The following PIAS2 variants were observed in gnomAD, a reference collection of about 807,000 sequenced individuals.
PIAS2 encodes the protein E3 SUMO-protein ligase PIAS2.
PIAS2 carries 19 observed loss-of-function variants against 69.7 expected under a neutral mutation model. That is an observed-to-expected ratio of 0.27 (90% CI 0.19 to 0.40). The LOEUF (loss-of-function observed/expected upper bound fraction) is 0.40. Among genes scored for constraint, PIAS2 ranks in the 10% least tolerant of loss-of-function variants. The probability of loss-of-function intolerance (pLI) is 1.00; values close to 1 mark genes in which losing one functional copy is unlikely to be tolerated. For synonymous variants in PIAS2, 261 were observed against 263.2 expected (o/e 0.99, Z 0.08); for missense variants, 624 against 757.0 (o/e 0.82, Z 2.06).
intron 1 of PIAS2, among the ~76,000 whole-genome samples, chr18:46,906,776 G>GA (rs1285780039): frequency 7.0e-6 from 1 of 142,432 alleles, no homozygotes; most frequent in Non-Finnish European, 1.5e-5. Flanking sequence ...GTGTGTGTGG[G>GA]GGGGGGGGGA....
At chr18:46,865,776 G>A (rs985391965) in intron 2 of PIAS2, among the ~76,000 whole-genome samples, 6 of 152,138 alleles carry the variant, frequency 3.9e-5, no homozygotes, top group African/African-American at 1.4e-4. Flanking sequence ...AAAAAGGAGG[G>A]AAGAGGGAGA....
chr18:46,816,596 G>A (rs2041571419), intron 12 of PIAS2: 2 of 289,366 alleles, frequency 6.9e-6, no homozygotes, highest in African/African-American at 4.6e-5. Context: ...AGAAGCAGGA[G>A]CTACAGGTGT....
At chr18:46,850,155 G>A (rs898992449) in intron 5 of PIAS2, among the ~76,000 whole-genome samples, 4 of 152,100 alleles carry the variant, frequency 2.6e-5, no homozygotes, top group African/African-American at 9.7e-5. Context: ...TACCAGTTCA[G>A]TAATGTACTT....
chr18:46,878,509 C>T (rs1015836382), intron 2 of PIAS2, among the ~76,000 whole-genome samples: 4 of 152,064 alleles, frequency 2.6e-5, no homozygotes, highest in Admixed American at 2.6e-4. Context: ...CCAAGTCATC[C>T]CCCACCATCA....
intron 2 of PIAS2, among the ~76,000 whole-genome samples, chr18:46,874,351 A>C (rs555084608): frequency 6.6e-6 from 1 of 152,322 alleles, no homozygotes; most frequent in African/African-American, 2.4e-5. Context: ...AATGTAGTTA[A>C]GGCATTAATC....
chr18:46,849,069 C>T (rs2046586488), intron 5 of PIAS2, among the ~76,000 whole-genome samples: 1 of 152,030 alleles, frequency 6.6e-6, no homozygotes. Flanking sequence ...CAGGGTCTGT[C>T]AGAAGGATAG....
At chr18:46,917,968 C>A (rs1030970882), upstream of PIAS2, 6 of 152,074 alleles carry the variant, frequency 3.9e-5, no homozygotes, top group Non-Finnish European at 8.8e-5. Context: ...TGTGTGACAC[C>A]TCTTTGAATT....
chr18:46,827,016 A>G (rs1179805991), intron 11 of PIAS2: 4 of 152,206 alleles, frequency 2.6e-5, no homozygotes, highest in African/African-American at 9.7e-5. Context: ...TGTTGAAAAT[A>G]TTCTACTACT....
At chr18:46,854,486 G>A (rs1363155352) in intron 5 of PIAS2, among the ~76,000 whole-genome samples, 1 of 152,076 alleles carries the variant, frequency 6.6e-6, no homozygotes, top group Non-Finnish European at 1.5e-5. Flanking sequence ...TTTTGATTAT[G>A]GCTTTGCTGG....
At chr18:46,896,165 C>CAAAAAAAAAAAAAAAAAA (rs1199712335) in intron 1 of PIAS2, among the ~76,000 whole-genome samples, 1 of 31,926 alleles carries the variant, frequency 3.1e-5, no homozygotes, top group Non-Finnish European at 6.2e-5. Context: ...AAGAAAAAAG[C>CAAAAAAAAAAAAAAAAAA]AAAAAAAAAA....
At chr18:46,836,763 T>C (rs1421154339) in intron 8 of PIAS2, among the ~76,000 whole-genome samples, 3 of 152,206 alleles carry the variant, frequency 2.0e-5, no homozygotes, top group East Asian at 1.9e-4. Flanking sequence ...TTCATATACA[T>C]TGAAAGTATG....
At chr18:46,832,274 G>C (rs1029191323) in intron 9 of PIAS2, among the ~76,000 whole-genome samples, 16 of 151,998 alleles carry the variant, frequency 1.1e-4, no homozygotes, top group African/African-American at 3.1e-4. Context: ...AATTAGCCAG[G>C]CGTGGTGGCG....
At chr18:46,831,565 G>A (rs888005924) in intron 9 of PIAS2, among the ~76,000 whole-genome samples, 5 of 152,166 alleles carry the variant, frequency 3.3e-5, no homozygotes, top group Admixed American at 6.5e-5. Flanking sequence ...GAAGAACAAA[G>A]TTGGAAGAGT....
At position 46,855,234 on chromosome 18, in the gene PIAS2, G is replaced by T. The variant is rs892430345; in HGVS notation, c.726+111C>A. Reference sequence around the variant, plus strand: ...CTAGTGGAAAATAGTATTTAATCTGGATGCTAAAACTGTTCACTGGTATTC... The same window carrying T: ...CTAGTGGAAAATAGTATTTAATCTGTATGCTAAAACTGTTCACTGGTATTC... On this transcript the variant is annotated intron_variant, in intron 5 of 13. Coordinates refer to ENST00000585916, the MANE Select transcript of PIAS2 (RefSeq NM_004671.5). 4 of 633,478 alleles carry T rather than the reference G, an allele frequency of 6.3e-6. No individual in the cohort carries two copies. The African/African-American group carries it at 7.3e-5, about 12-fold the overall frequency. 39.2% of individuals were successfully genotyped at this position (633,478 alleles called of 1,614,324 possible).
chr18:46,884,765 A>T (rs1766088633), intron 2 of PIAS2, among the ~76,000 whole-genome samples: 1 of 152,094 alleles, frequency 6.6e-6, no homozygotes, highest in South Asian at 2.1e-4. Flanking sequence ...AAAATATAAT[A>T]AATTAGCCGG....
At chr18:46,895,889 T>G (rs1008668855) in intron 1 of PIAS2, among the ~76,000 whole-genome samples, 5 of 152,126 alleles carry the variant, frequency 3.3e-5, no homozygotes, top group African/African-American at 1.2e-4. Context: ...ATCCCTATAA[T>G]TAAATCCACT....
intron 2 of PIAS2, among the ~76,000 whole-genome samples, chr18:46,868,602 T>C (rs1478517528): frequency 1.3e-5 from 2 of 152,188 alleles, no homozygotes; most frequent in South Asian, 2.1e-4. Flanking sequence ...GAACCAGAGA[T>C]TAACCGTGTT....
intron 2 of PIAS2, among the ~76,000 whole-genome samples, chr18:46,875,115 C>A (rs79692714): frequency 6.6e-6 from 1 of 152,144 alleles, no homozygotes; most frequent in Non-Finnish European, 1.5e-5. Flanking sequence ...AACTAACCAT[C>A]CCTTAACCCT....
At position 46,895,833 on chromosome 18, in the gene PIAS2, T is replaced by C. The variant is rs771557947; in HGVS notation, c.25-4779A>G. Among the ~76,000 whole-genome samples, 7 of 152,196 alleles carry C rather than the reference T, an allele frequency of 4.6e-5. No individual in the cohort carries two copies. The East Asian group carries it at 9.6e-4, about 21-fold the overall frequency. The stretch of plus-strand genomic sequence containing the variant: ...TACTGCTTACTCTTTTCAAAGGTCA[T>C]TGGAGGCCCCAGTTCCTGGTCCTGT... On this transcript the variant is annotated intron_variant, in intron 1 of 13. Coordinates refer to ENST00000585916, the MANE Select transcript of PIAS2 (RefSeq NM_004671.5).
Sources: gnomAD v4.1 joint callset for allele counts (sites outside exome capture counted in the v4.1 genomes callset) on GRCh38, gnomAD v4.1.1 for gene constraint, MANE v1.5 for transcripts, NCBI Gene and HGNC (gene_info 2026-07-23, HGNC 2026-07-21) for gene names.